SPCS2: variants seen among roughly 807,000 people sequenced by gnomAD.
SPCS2 encodes the protein SPase 25 kDa subunit.
In SPCS2, 3 loss-of-function variants were observed where a neutral mutation model predicts 22.3. The ratio of observed to expected loss-of-function variants is 0.13; its 90% CI spans 0.06 to 0.35. SPCS2 has a LOEUF of 0.35. SPCS2 is among the 10% of genes least tolerant of loss of function. The pLI, the probability that SPCS2 is intolerant of heterozygous loss-of-function variation, is 1.00. For synonymous variants in SPCS2, 67 were observed against 97.2 expected (o/e 0.69, Z 1.83); for missense variants, 169 against 280.9 (o/e 0.60, Z 2.85).
At chr11:74,966,265 T>C (rs1427960838) in intron 3 of SPCS2, among the ~76,000 whole-genome samples, 2 of 152,338 alleles carry the variant, frequency 1.3e-5, no homozygotes, top group East Asian at 3.9e-4. Context: ...ACGTGGCTGC[T>C]TCAAGCCACT....
At chr11:74,972,323 C>G (rs1432175901) in intron 4 of SPCS2, among the ~76,000 whole-genome samples, 2 of 152,154 alleles carry the variant, frequency 1.3e-5, no homozygotes, top group Admixed American at 6.5e-5. Context: ...CTTGGCCTCC[C>G]AAAGTGGTGG....
chr11:74,949,634 C>T (rs1294628437), intron 1 of SPCS2: 1 of 582,028 alleles, frequency 1.7e-6, no homozygotes, highest in East Asian at 3.8e-5. Flanking sequence ...TGGTCCTGGT[C>T]GCCACACCTT....
In SPCS2 at chr11:74,957,276, C is replaced by T. The variant is rs567257791; in HGVS notation, c.115-7758C>T. On this transcript the variant is annotated intron_variant, in intron 1 of 4. Transcript: ENST00000263672. ...GAATGTCCAACACTGGAATGAATTG[C>T]TATTGAGAGGCTTGGCAGTTTCCTT... 1.4e-3 allele frequency among the ~76,000 whole-genome samples: 209 copies of T among 152,136 alleles called. 2 individuals carry two copies. Among genetic ancestry groups the T allele is most frequent in the Admixed American group, 6.0e-3 (92 of 15,268 alleles).
intron 1 of SPCS2, chr11:74,949,642 C>CT (rs1334161851): frequency 3.5e-6 from 2 of 564,066 alleles, no homozygotes; most frequent in Non-Finnish European, 3.4e-6. Context: ...GTCGCCACAC[C>CT]TTTTTCGGTA....
At chr11:74,973,951 GA>G (rs1022327979) in intron 4 of SPCS2, among the ~76,000 whole-genome samples, 50 of 140,868 alleles carry the variant, frequency 3.5e-4, no homozygotes, top group African/African-American at 7.6e-4. Context: ...TCTCCCAACT[GA>G]AAAAAAAAAA....
intron 1 of SPCS2, among the ~76,000 whole-genome samples, chr11:74,955,621 G>A (rs1480811797): frequency 6.6e-6 from 1 of 151,758 alleles, no homozygotes; most frequent in East Asian, 1.9e-4. Context: ...AGATAGTGGT[G>A]ATGGTTGCAT....
intron 1 of SPCS2, among the ~76,000 whole-genome samples, chr11:74,963,226 C>T (rs562939680): frequency 1.3e-3 from 196 of 152,148 alleles, no homozygotes; most frequent in Middle Eastern, 3.4e-3. Context: ...AATTAGATGT[C>T]GTGTTTGATT....
intron 4 of SPCS2, among the ~76,000 whole-genome samples, chr11:74,969,985 T>C (rs1412898360): frequency 6.6e-6 from 1 of 152,266 alleles, no homozygotes; most frequent in Non-Finnish European, 1.5e-5. Context: ...AGGCCAAAGA[T>C]GTGAGATCAG....
At chr11:74,964,438 T>G (rs1206452368) in intron 1 of SPCS2, among the ~76,000 whole-genome samples, 1 of 152,200 alleles carries the variant, frequency 6.6e-6, no homozygotes, top group Middle Eastern at 3.2e-3. Flanking sequence ...TAAAATGTAG[T>G]GTTGTTTCCA....
rs766129956 is a variant in SPCS2 at position 74,971,128 on chromosome 11, G to A, written c.494+1429G>A. Among the ~76,000 whole-genome samples, 18 of 152,242 alleles carry A rather than the reference G, an allele frequency of 1.2e-4. 1 individual carries two copies. The Middle Eastern group carries it at 0.01, about 86-fold the overall frequency. ...TACAATATGTGGTCTTTTATAACTG[G>A]GTTCTTTCACTTAGTGCAATTACTT... is the stretch of plus-strand genomic sequence containing the variant. On this transcript the variant is annotated intron_variant, in intron 4 of 4. Transcript: ENST00000263672.
At chr11:74,949,450 C>CA in intron 1 of SPCS2, 51 bp downstream of exon 1, 1 of 1,495,018 alleles carries the variant, frequency 6.7e-7, no homozygotes, top group Non-Finnish European at 9.1e-7. Context: ...GCCTGGGAGG[C>CA]GGCGAGCCAA....
At chr11:74,961,077 C>T (rs1232446478) in intron 1 of SPCS2, among the ~76,000 whole-genome samples, 2 of 150,202 alleles carry the variant, frequency 1.3e-5, no homozygotes, top group Admixed American at 6.6e-5. Context: ...GTGTTCCAGG[C>T]TCTGAGAATA....
In SPCS2 at chr11:74,968,510, T is replaced by G. The variant is rs571538062; in HGVS notation, c.360-1055T>G. On this transcript the variant is annotated intron_variant, in intron 3 of 4. Transcript: ENST00000263672. ...CTAATTTTTTTTTGGTTTTTGTGGGTTTTTTTTGTTTTTTTTTTTTTTTGA... is the reference window on the plus strand; with the variant it reads ...CTAATTTTTTTTTGGTTTTTGTGGGGTTTTTTTGTTTTTTTTTTTTTTTGA... Among the ~76,000 whole-genome samples the G allele has an allele frequency of 4.3e-4, 63 of 145,160 alleles. No individual in the cohort carries two copies. The Middle Eastern group carries it at 0.01, about 24-fold the overall frequency.
intron 2 of SPCS2, 181 bp downstream of exon 2, chr11:74,965,298 C>T: frequency 2.0e-6 from 1 of 511,980 alleles, no homozygotes; most frequent in East Asian, 3.3e-5. Context: ...ATATCACCAA[C>T]ATGGCACATG....
chr11:74,950,115 A>C (rs116025013), intron 1 of SPCS2, among the ~76,000 whole-genome samples: 100 of 152,340 alleles, frequency 6.6e-4, no homozygotes, highest in African/African-American at 2.1e-3. Context: ...AAAGAAAAAA[A>C]GGAAAACTGT....
intron 4 of SPCS2, among the ~76,000 whole-genome samples, chr11:74,970,559 C>G (rs1289491201): frequency 6.6e-6 from 1 of 152,148 alleles, no homozygotes; most frequent in Non-Finnish European, 1.5e-5. Flanking sequence ...ATAATAGCCG[C>G]ACAAATTATA....
chr11:74,971,491 G>A (rs1430261932), intron 4 of SPCS2, among the ~76,000 whole-genome samples: 5 of 151,998 alleles, frequency 3.3e-5, no homozygotes, highest in Non-Finnish European at 5.9e-5. Context: ...TTTTTTTCAC[G>A]TTTCCTGCTG....
intron 1 of SPCS2, among the ~76,000 whole-genome samples, chr11:74,957,076 C>T (rs1668777189): frequency 6.6e-6 from 1 of 152,056 alleles, no homozygotes; most frequent in Non-Finnish European, 1.5e-5. Flanking sequence ...TTTTTATCTT[C>T]CATACAAGAA....
chr11:74,969,115 A>G (rs1052215477), intron 3 of SPCS2, among the ~76,000 whole-genome samples: 1 of 152,216 alleles, frequency 6.6e-6, no homozygotes, highest in African/African-American at 2.4e-5. Context: ...TAATCGTAGT[A>G]CTATTTGACA....
Sources: gnomAD v4.1 joint callset for allele counts (sites outside exome capture counted in the v4.1 genomes callset) on GRCh38, gnomAD v4.1.1 for gene constraint, MANE v1.5 for transcripts, NCBI Gene and HGNC (gene_info 2026-07-23, HGNC 2026-07-21) for gene names.